SORL1: variants seen among roughly 807,000 people sequenced by gnomAD.
The protein encoded by SORL1 is sortilin related receptor 1.
A neutral mutation model predicts 273.7 loss-of-function variants in SORL1; 127 were observed. That is an observed-to-expected ratio of 0.46 (90% CI 0.40 to 0.54). The LOEUF is 0.54. Among genes scored for constraint, SORL1 ranks in the 20% least tolerant of loss-of-function variants. The probability of loss-of-function intolerance (pLI) is 0.00; values close to 1 mark genes in which losing one functional copy is unlikely to be tolerated. For synonymous variants in SORL1, 1,031 were observed against 1,067.4 expected (o/e 0.97, Z 0.66); for missense variants, 2,494 against 2,846.1 (o/e 0.88, Z 2.81).
At chr11:121,526,107 A>T (rs959393423) in intron 11 of SORL1, among the ~76,000 whole-genome samples, 1 of 152,164 alleles carries the variant, frequency 6.6e-6, no homozygotes, top group East Asian at 1.9e-4. Flanking sequence ...GAGTTTTTTT[A>T]AAAATATATT....
At chr11:121,498,466 A>G (rs1447173901) in intron 6 of SORL1, among the ~76,000 whole-genome samples, 3 of 152,164 alleles carry the variant, frequency 2.0e-5, no homozygotes, top group Non-Finnish European at 4.4e-5. Flanking sequence ...TCTAAAACAC[A>G]TTGACTGACT....
Position 121,629,496 on chromosome 11 carries a change from G to A in SORL1, c.6578G>A (p.Gly2193Glu), listed in dbSNP as rs758132060. ...CAAGGCCTGACTGTTTTGTCTCTAG[G>A]GGAAGATGATGAAGATGCCCCTATG... ...SAIFSSGDDL[G>E]EDDEDAPMIT... Residue 2193 changes from glycine (G) to glutamate (E), a missense_variant and splice_region_variant, in exon 48 of 48, where the codon GGG (glycine) becomes GAG (glutamate). Physicochemically the swap from Gly to Glu is moderately conservative, Grantham distance 98. Around this residue, in one of 3 missense-constraint regions of SORL1, gnomAD observed 1,609 missense variants for 1,816.4 expected, o/e 0.89. Transcript: ENST00000260197. The A allele has an allele frequency of 1.9e-6, 3 of 1,550,078 alleles. No homozygotes were observed. Among genetic ancestry groups the A allele is most frequent in the East Asian group, 2.2e-5 (1 of 44,612 alleles).
chr11:121,462,206 T>C (rs371412992), intron 1 of SORL1, among the ~76,000 whole-genome samples: 75 of 152,294 alleles, frequency 4.9e-4, no homozygotes, highest in African/African-American at 1.7e-3. Flanking sequence ...TGCAGTACTT[T>C]TTTTTCTCCA....
At chr11:121,529,972 T>C (rs995526866) in intron 11 of SORL1, among the ~76,000 whole-genome samples, 7 of 152,206 alleles carry the variant, frequency 4.6e-5, no homozygotes, top group Non-Finnish European at 1.0e-4. Context: ...TATCTATGTG[T>C]ATTTCTAGTG....
At chr11:121,470,586 C>CA (rs1861152573) in intron 2 of SORL1, among the ~76,000 whole-genome samples, 1 of 152,202 alleles carries the variant, frequency 6.6e-6, no homozygotes, top group Admixed American at 6.5e-5. Flanking sequence ...TTTGAAGACT[C>CA]AAGATGCCAA....
intron 30 of SORL1, chr11:121,590,422 G>A (rs1863192073): frequency 3.9e-6 from 2 of 506,872 alleles, no homozygotes. Flanking sequence ...CCTACTCAAA[G>A]TATGGTTTGC....
At chr11:121,568,409 A>G (rs1251672806) in intron 22 of SORL1, among the ~76,000 whole-genome samples, 2 of 152,260 alleles carry the variant, frequency 1.3e-5, no homozygotes, top group Non-Finnish European at 2.9e-5. Flanking sequence ...GAGAAGGGGA[A>G]GAAAGCTACT....
At chr11:121,571,733 C>T (rs1036133670) in intron 23 of SORL1, among the ~76,000 whole-genome samples, 2 of 152,222 alleles carry the variant, frequency 1.3e-5, no homozygotes, top group African/African-American at 4.8e-5. Context: ...CTATAGACTC[C>T]CCCTTTTGGC....
At chr11:121,522,829 T>C in intron 10 of SORL1, 87 bp from the exon 11 acceptor site, 4 of 1,373,372 alleles carry the variant, frequency 2.9e-6, no homozygotes, top group Non-Finnish European at 4.2e-6. Flanking sequence ...TCTTAGTTGC[T>C]AGATACTACG....
At chr11:121,535,675 T>TA (rs1421776695) in intron 12 of SORL1, among the ~76,000 whole-genome samples, 2 of 152,206 alleles carry the variant, frequency 1.3e-5, no homozygotes, top group East Asian at 3.9e-4. Flanking sequence ...TTAGGGTTTT[T>TA]TTTTTTTTTG....
chr11:121,591,562 C>T (rs772367648), intron 31 of SORL1, among the ~76,000 whole-genome samples: 3 of 152,054 alleles, frequency 2.0e-5, no homozygotes, highest in Admixed American at 6.6e-5. Context: ...GCTAGTTGGC[C>T]GGCCTGTCCA....
chr11:121,572,427 G>A (rs1862858053), intron 23 of SORL1, among the ~76,000 whole-genome samples: 2 of 152,124 alleles, frequency 1.3e-5, no homozygotes, highest in Admixed American at 6.5e-5. Flanking sequence ...TTTCTGCTCC[G>A]TCGTCTCCCT....
intron 12 of SORL1, among the ~76,000 whole-genome samples, chr11:121,543,050 G>T (rs1862370532): frequency 6.6e-6 from 1 of 151,240 alleles, no homozygotes; most frequent in Non-Finnish European, 1.5e-5. Flanking sequence ...AATTAGCCGG[G>T]TGTGGTGGCG....
At position 121,570,179 on chromosome 11, in the gene SORL1, G is replaced by A. The variant is rs1565339890; in HGVS notation, c.3246G>A (p.Gln1082=). 6.2e-7 allele frequency: 1 copy of A among 1,613,960 alleles called. No individual in the cohort carries two copies. ...TAGAGAACACCTGTCTTCGCAACCA[G>A]TATCGCTGCAGCAACGGGAACTGTA... The part of the protein sequence containing the change: ...VKQENTCLRN[Q]YRCSNGNCIN... Residue 1082 remains glutamine, a synonymous_variant, in exon 23 of 48, where the codon CAG becomes CAA. Transcript: ENST00000260197.
At chr11:121,533,423 T>C (rs915712918) in intron 12 of SORL1, among the ~76,000 whole-genome samples, 1 of 152,186 alleles carries the variant, frequency 6.6e-6, no homozygotes, top group African/African-American at 2.4e-5. Flanking sequence ...AATATATTGT[T>C]CTGAAAAGCA....
intron 3 of SORL1, among the ~76,000 whole-genome samples, chr11:121,480,488 T>C (rs1269090638): frequency 6.6e-6 from 1 of 152,070 alleles, no homozygotes; most frequent in Non-Finnish European, 1.5e-5. Context: ...TTGCGGAGGT[T>C]GTGGCCTCGA....
intron 16 of SORL1, among the ~76,000 whole-genome samples, chr11:121,552,671 G>A (rs1448578993): frequency 6.6e-6 from 1 of 152,122 alleles, no homozygotes; most frequent in Non-Finnish European, 1.5e-5. Flanking sequence ...TGGAACCAAA[G>A]GAAAAGAAGG....
At chr11:121,562,757 A>C (rs765820732) in intron 21 of SORL1, among the ~76,000 whole-genome samples, 7 of 152,200 alleles carry the variant, frequency 4.6e-5, no homozygotes, top group Non-Finnish European at 7.3e-5. Context: ...TTCTAGACTT[A>C]ATAAGGGAGG....
chr11:121,574,589 C>T (rs1020228088), intron 24 of SORL1, among the ~76,000 whole-genome samples: 4 of 152,094 alleles, frequency 2.6e-5, no homozygotes, highest in Non-Finnish European at 4.4e-5. Flanking sequence ...GCTGGAGACA[C>T]TTGCGAACTG....
Sources: gnomAD v4.1 joint callset for allele counts (sites outside exome capture counted in the v4.1 genomes callset) on GRCh38, gnomAD v4.1.1 for gene constraint, gnomAD v4.1.1 regional missense constraint, MANE v1.5 for transcripts, NCBI Gene and HGNC (gene_info 2026-07-23, HGNC 2026-07-21) for gene names.